RIMS2: variants seen among roughly 807,000 people sequenced by gnomAD.
The protein encoded by RIMS2 is regulating synaptic membrane exocytosis protein 2.
In RIMS2, 59 loss-of-function variants were observed where a neutral mutation model predicts 174.4. That is an observed-to-expected ratio of 0.34 (90% CI 0.27 to 0.42). The LOEUF (loss-of-function observed/expected upper bound fraction) is 0.42, where lower values mean the gene tolerates loss of function less well. Ranked by LOEUF, RIMS2 falls within the 10% of genes least tolerant of loss-of-function variation. RIMS2 has a pLI of 1.00. For missense variants in RIMS2, 1,620 were observed against 1,666.3 expected (o/e 0.97, Z 0.48); for synonymous variants, 606 against 572.5 (o/e 1.06, Z -0.84).
chr8:104,037,248 C>G (rs1488868538), intron 19 of RIMS2, among the ~76,000 whole-genome samples: 1 of 152,142 alleles, frequency 6.6e-6, no homozygotes, highest in African/African-American at 2.4e-5. Context: ...AAAGGTATCT[C>G]TCCTTCCCCC....
chr8:103,737,192 T>C (rs1364041974), intron 2 of RIMS2, among the ~76,000 whole-genome samples: 1 of 136,430 alleles, frequency 7.3e-6, no homozygotes, highest in Non-Finnish European at 1.6e-5. Flanking sequence ...TTTTTTTTTT[T>C]TTTTTTTTTG....
chr8:103,832,090 A>G (rs540286003), intron 3 of RIMS2, among the ~76,000 whole-genome samples: 1 of 152,262 alleles, frequency 6.6e-6, no homozygotes, highest in East Asian at 1.9e-4. Context: ...TAATATAACC[A>G]TGTGTGCAAA....
intron 3 of RIMS2, among the ~76,000 whole-genome samples, chr8:103,803,098 C>T (rs1182660919): frequency 6.6e-6 from 1 of 152,044 alleles, no homozygotes; most frequent in Non-Finnish European, 1.5e-5. Flanking sequence ...TGCATGGAAC[C>T]TACCCTATTT....
chr8:104,109,230 G>A (rs374797612), intron 19 of RIMS2, among the ~76,000 whole-genome samples: 27 of 148,992 alleles, frequency 1.8e-4, no homozygotes, highest in African/African-American at 6.5e-4. Context: ...CTGGGAGGTG[G>A]AGCTTGCAGT....
chr8:104,019,215 A>G (rs1244990999), intron 19 of RIMS2, among the ~76,000 whole-genome samples: 2 of 152,158 alleles, frequency 1.3e-5, no homozygotes, highest in Admixed American at 1.3e-4. Flanking sequence ...TTAAAACATT[A>G]TATAATCAGT....
At chr8:103,764,246 T>TC (rs1251235577) in intron 2 of RIMS2, among the ~76,000 whole-genome samples, 1 of 152,270 alleles carries the variant, frequency 6.6e-6, no homozygotes, top group African/African-American at 2.4e-5. Context: ...TCACAAGCTC[T>TC]CGTTTGTTGT....
chr8:104,146,587 A>G (rs1050853080), intron 19 of RIMS2, among the ~76,000 whole-genome samples: 1 of 152,238 alleles, frequency 6.6e-6, no homozygotes, highest in Non-Finnish European at 1.5e-5. Context: ...ATATTCAAAC[A>G]TAAAAATTCA....
chr8:104,070,652 A>G (rs1397555933), intron 19 of RIMS2, among the ~76,000 whole-genome samples: 3 of 152,290 alleles, frequency 2.0e-5, no homozygotes, highest in Admixed American at 1.3e-4. Context: ...AGGCCAAAGC[A>G]TAAAGTCCTG....
intron 19 of RIMS2, among the ~76,000 whole-genome samples, chr8:104,069,153 C>T (rs1242918515): frequency 6.6e-6 from 1 of 152,150 alleles, no homozygotes. Context: ...CTATTCCATA[C>T]TTTATTATAA....
intron 3 of RIMS2, among the ~76,000 whole-genome samples, chr8:103,817,282 G>A (rs1222071319): frequency 6.6e-6 from 1 of 152,110 alleles, no homozygotes; most frequent in African/African-American, 2.4e-5. Flanking sequence ...CTGGCAGGTA[G>A]TTTTCCTATT....
chr8:103,544,754 C>G lies in RIMS2; in HGVS notation c.176+43692C>G, dbSNP rs775350573. 3.3e-5 allele frequency among the ~76,000 whole-genome samples: 5 copies of G among 152,318 alleles called. No homozygotes were observed. The East Asian group carries it at 7.7e-4, about 24-fold the overall frequency. The stretch of plus-strand genomic sequence containing the variant: ...ACCAGAACACCCAAGAAAAGAAATA[C>G]AGGCATGGAGACAGTAATCGGAGGG... On this transcript the variant is annotated intron_variant, in intron 1 of 23. Coordinates refer to ENST00000504942, the Ensembl canonical transcript of RIMS2.
chr8:103,918,780 G>A (rs1259688968), intron 9 of RIMS2: 1 of 257,652 alleles, frequency 3.9e-6, no homozygotes, highest in Non-Finnish European at 7.5e-6. Context: ...GGTAAGTTTT[G>A]AAATACATAT....
chr8:103,672,364 A>C (rs2096755322), intron 1 of RIMS2, among the ~76,000 whole-genome samples: 1 of 152,166 alleles, frequency 6.6e-6, no homozygotes, highest in Admixed American at 6.5e-5. Flanking sequence ...CATTGCTATA[A>C]ATAAATGCCA....
chr8:103,693,532 C>T (rs2097059005), intron 1 of RIMS2, among the ~76,000 whole-genome samples: 2 of 152,158 alleles, frequency 1.3e-5, no homozygotes, highest in East Asian at 1.9e-4. Context: ...CATGATTATG[C>T]TTACCTTCTG....
At chr8:103,522,847 T>C (rs1363468769) in intron 1 of RIMS2, among the ~76,000 whole-genome samples, 1 of 152,168 alleles carries the variant, frequency 6.6e-6, no homozygotes, top group Non-Finnish European at 1.5e-5. Flanking sequence ...TTGAGTGTGA[T>C]ATAGTGTTCT....
intron 1 of RIMS2, among the ~76,000 whole-genome samples, chr8:103,591,623 T>C (rs916471421): frequency 6.6e-6 from 1 of 151,260 alleles, no homozygotes; most frequent in African/African-American, 2.4e-5. Context: ...TTTAAAAATT[T>C]TTTCCATATG....
intron 19 of RIMS2, among the ~76,000 whole-genome samples, chr8:104,112,399 G>A (rs1254343594): frequency 6.6e-6 from 1 of 151,866 alleles, no homozygotes; most frequent in African/African-American, 2.4e-5. Flanking sequence ...ATATATTTAT[G>A]TATAACATAT....
intron 3 of RIMS2, among the ~76,000 whole-genome samples, chr8:103,861,936 A>G (rs945721120): frequency 6.6e-6 from 1 of 151,850 alleles, no homozygotes; most frequent in African/African-American, 2.4e-5. Flanking sequence ...TAAGTTGTCT[A>G]TTTACTCTGT....
chr8:104,093,921 A>T (rs2097708402), intron 19 of RIMS2, among the ~76,000 whole-genome samples: 1 of 151,978 alleles, frequency 6.6e-6, no homozygotes, highest in Non-Finnish European at 1.5e-5. Context: ...AAGACCTCTT[A>T]TATCTTTATT....
Sources: allele counts gnomAD v4.1 joint callset (sites outside exome capture counted in the v4.1 genomes callset), GRCh38; gene constraint gnomAD v4.1.1; transcripts MANE v1.5; gene names NCBI Gene and HGNC (gene_info 2026-07-23, HGNC 2026-07-21).